PLEKHA7: variants seen among roughly 807,000 people sequenced by gnomAD.
PLEKHA7 encodes pleckstrin homology domain containing A7.
A neutral mutation model predicts 170.0 loss-of-function variants in PLEKHA7; 104 were observed. The ratio of observed to expected loss-of-function variants is 0.61; its 90% CI spans 0.52 to 0.72. The LOEUF (loss-of-function observed/expected upper bound fraction) is 0.72, where lower values mean the gene tolerates loss of function less well. PLEKHA7 is among the 30% of genes least tolerant of loss of function. PLEKHA7 has a pLI of 0.00. For missense variants in PLEKHA7, 1,615 were observed against 1,671.7 expected, an observed-to-expected ratio of 0.97 and a Z score of 0.59; for synonymous variants, 648 against 660.8, an observed-to-expected ratio of 0.98 and a Z score of 0.30.
rs184378163 is a variant in PLEKHA7, at chr11:16,954,873, T to C, written c.221+59116A>G. 7.1e-3 allele frequency among the ~76,000 whole-genome samples: 1,075 copies of C among 151,914 alleles called. 16 individuals carry two copies. Among genetic ancestry groups the C allele is most frequent in the African/African-American group, 0.024 (1,013 of 41,436 alleles). ...ACCCGGCTAATTTTTTGTATTTTTA[T>C]TAGAGACGGGGTTTCACTATGTTGG... On this transcript the variant is annotated intron_variant, in intron 3 of 26. Coordinates refer to ENST00000531066, the MANE Select transcript of PLEKHA7 (RefSeq NM_001329630.2).
intron 3 of PLEKHA7, among the ~76,000 whole-genome samples, chr11:16,965,287 C>G (rs569382949): frequency 3.3e-5 from 5 of 151,854 alleles, no homozygotes; most frequent in African/African-American, 1.2e-4. Flanking sequence ...CACACCACTG[C>G]GCTCTAGCCT....
intron 3 of PLEKHA7, among the ~76,000 whole-genome samples, chr11:16,872,489 G>A (rs1854936916): frequency 6.6e-6 from 1 of 152,106 alleles, no homozygotes; most frequent in African/African-American, 2.4e-5. Flanking sequence ...TTCTTTATTT[G>A]AAATAGCTGA....
intron 4 of PLEKHA7, among the ~76,000 whole-genome samples, chr11:16,856,841 G>A (rs1222889174): frequency 6.6e-6 from 1 of 152,202 alleles, no homozygotes; most frequent in African/African-American, 2.4e-5. Context: ...CCTCAAAGTG[G>A]AAGTCTCCAC....
chr11:16,847,097 T>G (rs913436709), intron 8 of PLEKHA7, among the ~76,000 whole-genome samples: 2 of 127,884 alleles, frequency 1.6e-5, no homozygotes, highest in South Asian at 5.3e-4. Context: ...TTTCTTTTTT[T>G]TTTTTTTTTT....
At chr11:16,886,446 C>T (rs554429578) in intron 3 of PLEKHA7, among the ~76,000 whole-genome samples, 44 of 152,240 alleles carry the variant, frequency 2.9e-4, no homozygotes, top group Admixed American at 9.8e-4. Context: ...CGCAGTGGCT[C>T]ATGCCTGTAA....
At chr11:16,870,641 C>CAAAAA (rs11321089) in intron 4 of PLEKHA7, among the ~76,000 whole-genome samples, 1 of 110,772 alleles carries the variant, frequency 9.0e-6, no homozygotes, top group African/African-American at 3.6e-5. Context: ...GACCCTGCCT[C>CAAAAA]AAAAAAAAAA....
intron 3 of PLEKHA7, among the ~76,000 whole-genome samples, chr11:16,875,517 G>C (rs1019046150): frequency 1.3e-5 from 2 of 151,854 alleles, no homozygotes; most frequent in Admixed American, 1.3e-4. Flanking sequence ...AACGATCTCA[G>C]CTCACAGTAG....
chr11:16,934,104 T>C (rs1346580434), intron 3 of PLEKHA7, among the ~76,000 whole-genome samples: 1 of 152,164 alleles, frequency 6.6e-6, no homozygotes, highest in Non-Finnish European at 1.5e-5. Flanking sequence ...AGATAAGTTA[T>C]CGTGCCTCCT....
chr11:16,911,844 C>A (rs1352897841), intron 3 of PLEKHA7, among the ~76,000 whole-genome samples: 1 of 152,144 alleles, frequency 6.6e-6, no homozygotes, highest in African/African-American at 2.4e-5. Flanking sequence ...ACACTCATAT[C>A]CTGCTTCTTC....
chr11:16,855,750 G>T (rs367855682), intron 5 of PLEKHA7, 53 bp downstream of exon 5: 8 of 1,372,280 alleles, frequency 5.8e-6, no homozygotes, highest in Non-Finnish European at 8.2e-6. Flanking sequence ...TTACAAAGGG[G>T]CTTGGCAAAA....
At chr11:16,865,439 T>C (rs114587088) in intron 4 of PLEKHA7, among the ~76,000 whole-genome samples, 214 of 152,224 alleles carry the variant, frequency 1.4e-3, no homozygotes, top group African/African-American at 5.0e-3. Context: ...AAATTAGCAC[T>C]CTAGGCCAGG....
In PLEKHA7 at chr11:16,816,179, G is replaced by A. The variant is rs765459832; in HGVS notation, c.1952C>T (p.Ser651Leu). 1 of 1,610,264 alleles carries A rather than the reference G, an allele frequency of 6.2e-7. No homozygotes were observed. Among genetic ancestry groups the A allele is most frequent in the South Asian group, 1.1e-5 (1 of 90,994 alleles). The change falls in exon 12 of 27, where the codon TCG (serine) becomes TTG (leucine). Residue 651 changes from serine (S) to leucine (L), a missense_variant and splice_region_variant. Coordinates refer to ENST00000531066, the MANE Select transcript of PLEKHA7 (RefSeq NM_001329630.2). Reference protein sequence around the residue: ...TVSAPSLHGKSADDTYLQLKK... With the variant: ...TVSAPSLHGKLADDTYLQLKK... ...GCTATGTCTTGTCATTCACCCTACC[G>A]ATTTTCCATGTAAACTGGGAGCGCT...
intron 3 of PLEKHA7, among the ~76,000 whole-genome samples, chr11:16,946,805 A>C (rs1432544342): frequency 1.3e-5 from 2 of 152,090 alleles, no homozygotes; most frequent in Non-Finnish European, 2.9e-5. Flanking sequence ...CCTCCCCCAC[A>C]GAGACAACCT....
intron 3 of PLEKHA7, among the ~76,000 whole-genome samples, chr11:16,984,385 A>G (rs558916862): frequency 6.6e-6 from 1 of 152,266 alleles, no homozygotes; most frequent in East Asian, 1.9e-4. Context: ...CTCTGTTCAA[A>G]GCCTTCCATT....
chr11:16,779,986 G>A (rs1016927473), intron 26 of PLEKHA7, among the ~76,000 whole-genome samples: 15 of 146,896 alleles, frequency 1.0e-4, no homozygotes, highest in Admixed American at 2.7e-4. Context: ...GGGGAGGGGG[G>A]GGGGAATATC....
intron 4 of PLEKHA7, among the ~76,000 whole-genome samples, chr11:16,859,516 T>C (rs575376331): frequency 6.6e-6 from 1 of 152,302 alleles, no homozygotes; most frequent in South Asian, 2.1e-4. Flanking sequence ...TAATGAGCAG[T>C]GGGACATCAA....
intron 3 of PLEKHA7, among the ~76,000 whole-genome samples, chr11:16,920,188 G>C (rs1260395438): frequency 3.9e-5 from 6 of 152,210 alleles, no homozygotes; most frequent in African/African-American, 1.4e-4. Flanking sequence ...TGTACTAATT[G>C]GTTGAGTACA....
chr11:16,949,079 C>A (rs1036901575), intron 3 of PLEKHA7, among the ~76,000 whole-genome samples: 1 of 152,336 alleles, frequency 6.6e-6, no homozygotes, highest in Non-Finnish European at 1.5e-5. Context: ...AAGCCTTGCT[C>A]ATGTTGACTC....
intron 3 of PLEKHA7, among the ~76,000 whole-genome samples, chr11:16,970,253 T>C (rs1400619783): frequency 6.6e-6 from 1 of 152,170 alleles, no homozygotes; most frequent in African/African-American, 2.4e-5. Flanking sequence ...CACTCCAAAG[T>C]TGTTTCTTAT....
Sources: allele counts gnomAD v4.1 joint callset (sites outside exome capture counted in the v4.1 genomes callset), GRCh38; gene constraint gnomAD v4.1.1; transcripts MANE v1.5; gene names NCBI Gene and HGNC (gene_info 2026-07-23, HGNC 2026-07-21).